TAB2: variants seen among roughly 807,000 people sequenced by gnomAD.
The protein encoded by TAB2 is TGF-beta-activated kinase 1 and MAP3K7-binding protein 2.
A neutral mutation model predicts 65.0 loss-of-function variants in TAB2; 3 were observed. The observed-to-expected ratio is 0.05, with a 90% confidence interval of 0.02 to 0.12. The LOEUF is 0.12. Among genes scored for constraint, TAB2 ranks in the 10% least tolerant of loss-of-function variants. The probability of loss-of-function intolerance (pLI) is 1.00; values close to 1 mark genes in which losing one functional copy is unlikely to be tolerated. For missense variants in TAB2, 623 were observed against 840.3 expected (o/e 0.74, Z 3.20); for synonymous variants, 298 against 285.1 (o/e 1.05, Z -0.46).
rs995181710 is a variant in TAB2, at chr6:149,252,760, G to C, written c.-121+33984G>C. Reference sequence around the variant, plus strand: ...GATGTTGGAGTTCCTCCACTCACCAGACAGAATATATTTCTCCTCCTTTTG... The same window carrying C: ...GATGTTGGAGTTCCTCCACTCACCACACAGAATATATTTCTCCTCCTTTTG... On this transcript the variant is annotated intron_variant, in intron 1 of 1. Transcript: ENST00000606202. 1.5e-4 allele frequency among the ~76,000 whole-genome samples: 23 copies of C among 152,200 alleles called. No homozygotes were observed. In the East Asian group the frequency reaches 1.5e-3, roughly 10 times the overall value.
chr6:149,277,849 A>G (rs1165376449), intron 1 of TAB2, among the ~76,000 whole-genome samples: 2 of 152,228 alleles, frequency 1.3e-5, no homozygotes, highest in Non-Finnish European at 2.9e-5. Context: ...AAGGCATCAT[A>G]TTCATTTTAG....
At chr6:149,363,518 G>A (rs1179302264) in intron 1 of TAB2, among the ~76,000 whole-genome samples, 2 of 152,002 alleles carry the variant, frequency 1.3e-5, no homozygotes, top group Non-Finnish European at 2.9e-5. Flanking sequence ...TTTCATTACA[G>A]GATAATGCCA....
intron 1 of TAB2, among the ~76,000 whole-genome samples, chr6:149,269,894 A>G (rs1204762445): frequency 6.6e-6 from 1 of 152,226 alleles, no homozygotes; most frequent in Non-Finnish European, 1.5e-5. Flanking sequence ...AACGAAGTCA[A>G]TATAAAGATT....
chr6:149,394,356 TTAACA>T (rs1782096314), intron 3 of TAB2, among the ~76,000 whole-genome samples: 1 of 152,204 alleles, frequency 6.6e-6, no homozygotes, highest in African/African-American at 2.4e-5. Flanking sequence ...ACTAGATCCT[TTAACA>T]TATTAATCAT....
chr6:149,365,897 T>G (rs190618389), intron 1 of TAB2, among the ~76,000 whole-genome samples: 1 of 152,300 alleles, frequency 6.6e-6, no homozygotes, highest in Non-Finnish European at 1.5e-5. Context: ...CATGGTTAAG[T>G]CTACCCAGTG....
intron 1 of TAB2, among the ~76,000 whole-genome samples, chr6:149,276,108 G>A (rs1194340251): frequency 3.9e-5 from 6 of 152,184 alleles, no homozygotes; most frequent in Admixed American, 2.6e-4. Flanking sequence ...AGGGAAAACT[G>A]GGTGTGGGTA....
At chr6:149,224,805 T>C (rs1777233123) in intron 1 of TAB2, among the ~76,000 whole-genome samples, 2 of 152,212 alleles carry the variant, frequency 1.3e-5, no homozygotes, top group Non-Finnish European at 1.5e-5. Context: ...TACCTTTATG[T>C]TGGAGTTAAG....
chr6:149,303,645 T>C (rs1455149511), intron 1 of TAB2, among the ~76,000 whole-genome samples: 2 of 152,208 alleles, frequency 1.3e-5, no homozygotes, highest in Non-Finnish European at 2.9e-5. Context: ...ATATGTACTA[T>C]TGTGCAATAA....
At position 149,251,989 on chromosome 6, in the gene TAB2, AAT is replaced by A. The variant is rs1242629255; in HGVS notation, c.-121+33219_-121+33220del. The stretch of plus-strand genomic sequence containing the variant: ...TTGTTTTCTTTTTTATAAACAAAAA[AAT>A]ATATAAGGAATAATTTATCCTTAAG... On this transcript the variant is annotated intron_variant, in intron 1 of 1. Coordinates refer to the TAB2 transcript ENST00000606202. 5.3e-5 allele frequency among the ~76,000 whole-genome samples: 8 copies of A among 150,296 alleles called. No homozygotes were observed. In the South Asian group the frequency reaches 1.7e-3, roughly 31 times the overall value.
chr6:149,376,821 G>A (rs535006369), intron 2 of TAB2, among the ~76,000 whole-genome samples: 4 of 152,074 alleles, frequency 2.6e-5, no homozygotes, highest in South Asian at 4.1e-4. Context: ...AAACATTTTC[G>A]TGGATGATTT....
intron 1 of TAB2, among the ~76,000 whole-genome samples, chr6:149,340,810 T>A (rs931615281): frequency 1.3e-5 from 2 of 152,150 alleles, no homozygotes; most frequent in African/African-American, 4.8e-5. Flanking sequence ...TTTAAAACTT[T>A]TAAAATGAAG....
chr6:149,293,934 G>A (rs922536137), intron 1 of TAB2, among the ~76,000 whole-genome samples: 2 of 152,048 alleles, frequency 1.3e-5, no homozygotes, highest in African/African-American at 4.8e-5. Context: ...ATAGAGACTA[G>A]AGAGTATCAA....
intron 1 of TAB2, among the ~76,000 whole-genome samples, chr6:149,283,332 A>G (rs1307246310): frequency 5.9e-5 from 9 of 152,242 alleles, no homozygotes; most frequent in Admixed American, 2.6e-4. Context: ...TCTTCATATG[A>G]TATGACAGGA....
intron 1 of TAB2, among the ~76,000 whole-genome samples, chr6:149,292,154 G>A (rs1778790281): frequency 2.6e-5 from 4 of 152,184 alleles, no homozygotes; most frequent in Admixed American, 2.6e-4. Context: ...TCAGGGACTG[G>A]GTTTTGCAGA....
intron 1 of TAB2, chr6:149,253,078 C>T (rs1398911535): frequency 6.6e-6 from 1 of 152,234 alleles, no homozygotes; most frequent in Non-Finnish European, 1.5e-5. Flanking sequence ...GGATTACACA[C>T]ACCAACATAC....
intron 1 of TAB2, among the ~76,000 whole-genome samples, chr6:149,264,689 A>T (rs1195948078): frequency 6.6e-6 from 1 of 152,198 alleles, no homozygotes; most frequent in Non-Finnish European, 1.5e-5. Context: ...GGAAACCAGG[A>T]AGCAGAGTAG....
At chr6:149,338,870 G>C (rs982290103) in intron 1 of TAB2, among the ~76,000 whole-genome samples, 2 of 152,186 alleles carry the variant, frequency 1.3e-5, no homozygotes, top group African/African-American at 4.8e-5. Context: ...ATTCTTTTCT[G>C]TATGGTTGAA....
intron 1 of TAB2, among the ~76,000 whole-genome samples, chr6:149,288,722 T>C (rs1287250592): frequency 6.6e-6 from 1 of 152,218 alleles, no homozygotes; most frequent in East Asian, 1.9e-4. Flanking sequence ...AATCATATTC[T>C]GCTGAGTCAC....
intron 1 of TAB2, among the ~76,000 whole-genome samples, chr6:149,302,806 G>T (rs1778993072): frequency 6.6e-6 from 1 of 152,106 alleles, no homozygotes; most frequent in South Asian, 2.1e-4. Context: ...TATCAGCAGG[G>T]TCCCCAACTC....
Sources: allele counts gnomAD v4.1 joint callset (sites outside exome capture counted in the v4.1 genomes callset), GRCh38; gene constraint gnomAD v4.1.1; transcripts MANE v1.5; gene names NCBI Gene and HGNC (gene_info 2026-07-23, HGNC 2026-07-21).